The following DNAH14 variants were observed in gnomAD, a reference collection of about 807,000 sequenced individuals.
DNAH14 encodes dynein axonemal heavy chain 14.
In DNAH14, 478 loss-of-function variants were observed where a neutral mutation model predicts 520.9. The observed-to-expected ratio is 0.92, with a 90% CI of 0.85 to 0.99. DNAH14 has a LOEUF of 0.99. DNAH14 is among the 50% of genes least tolerant of loss of function. The pLI, the probability that DNAH14 is intolerant of heterozygous loss-of-function variation, is 0.00. For missense variants in DNAH14, 4,831 were observed against 5,234.5 expected (o/e 0.92, Z 2.38); for synonymous variants, 1,581 against 1,757.2 (o/e 0.90, Z 2.51).
intron 40 of DNAH14, among the ~76,000 whole-genome samples, chr1:225,206,685 C>CT (rs1272367614): frequency 2.6e-5 from 4 of 152,154 alleles, no homozygotes; most frequent in Non-Finnish European, 5.9e-5. Context: ...ATAGGGCTGA[C>CT]TTCTGGGTAA....
At chr1:224,947,955 T>G (rs1452752593) in intron 1 of DNAH14, among the ~76,000 whole-genome samples, 1 of 152,080 alleles carries the variant, frequency 6.6e-6, no homozygotes, top group African/African-American at 2.4e-5. Context: ...CAGTAGGTGG[T>G]TGATTTTCAA....
intron 46 of DNAH14, among the ~76,000 whole-genome samples, chr1:225,260,266 C>T (rs1393298417): frequency 6.6e-6 from 1 of 151,364 alleles, no homozygotes; most frequent in South Asian, 2.1e-4. Flanking sequence ...GCAGGAGAGT[C>T]GCTTGAACTC....
At chr1:225,357,696 T>C in intron 73 of DNAH14, 1 of 674,394 alleles carries the variant, frequency 1.5e-6, no homozygotes, top group Non-Finnish European at 2.7e-6. Flanking sequence ...GTTAAACATA[T>C]TGCCAATATT....
chr1:225,208,858 C>G (rs1385607554), intron 41 of DNAH14, among the ~76,000 whole-genome samples: 1 of 152,180 alleles, frequency 6.6e-6, no homozygotes, highest in Non-Finnish European at 1.5e-5. Flanking sequence ...ATTCCTTGCT[C>G]TGCTACATGC....
chr1:225,263,207 C>A lies in DNAH14; in HGVS notation c.7158-990C>A, dbSNP rs535765485. ...ACTATGCGAGATATATATATACACACACATATATATACATGTATATATACA... is the reference window on the plus strand; with the variant it reads ...ACTATGCGAGATATATATATACACAAACATATATATACATGTATATATACA... On this transcript the variant is annotated intron_variant, in intron 46 of 85. Transcript: ENST00000682510. Among the ~76,000 whole-genome samples the A allele has an allele frequency of 1.1e-4, 16 of 150,200 alleles. 1 individual carries two copies. In the East Asian group the frequency reaches 3.1e-3, roughly 29 times the overall value.
intron 8 of DNAH14, among the ~76,000 whole-genome samples, chr1:224,983,758 C>G (rs2062434344): frequency 6.6e-6 from 1 of 152,086 alleles, no homozygotes; most frequent in Admixed American, 6.6e-5. Context: ...CCAGCAGTGA[C>G]CAAGCAGAGA....
In DNAH14 at chr1:225,300,989, C is replaced by T. The variant is rs1373431335; in HGVS notation, c.8590C>T (p.His2864Tyr). 2 of 1,550,728 alleles carry T rather than the reference C, an allele frequency of 1.3e-6. No individual in the cohort carries two copies. The highest frequency in any genetic ancestry group is 1.7e-6 in the Non-Finnish European group (2 of 1,146,744). ...CAGATATCTTACTGAACAATCTGGT[C>T]ATATGGATAATAGGCAATCTTTACT... ...KIRYLTEQSG[H>Y]MDNRQSLLSF... Residue 2864 changes from histidine (H) to tyrosine (Y), a missense_variant, in exon 56 of 86, where the codon CAT becomes TAT. Physicochemically the swap from His to Tyr is moderately conservative, Grantham distance 83. Transcript: ENST00000682510.
intron 78 of DNAH14, among the ~76,000 whole-genome samples, chr1:225,375,814 C>T (rs979249905): frequency 4.0e-5 from 6 of 151,554 alleles, no homozygotes; most frequent in Non-Finnish European, 8.8e-5. Flanking sequence ...AGGCCGGGTG[C>T]GGTGGCTCAT....
intron 11 of DNAH14, among the ~76,000 whole-genome samples, chr1:225,031,112 A>G (rs575671934): frequency 1.7e-4 from 26 of 152,106 alleles, no homozygotes; most frequent in Middle Eastern, 3.4e-3. Flanking sequence ...TAAACTACCT[A>G]TTTCATATTT....
At chr1:225,052,215 T>C (rs367648886) in intron 17 of DNAH14, among the ~76,000 whole-genome samples, 43 of 152,340 alleles carry the variant, frequency 2.8e-4, no homozygotes, top group African/African-American at 9.9e-4. Context: ...TTTCACTGTA[T>C]ATTAGGGCTG....
chr1:224,933,044 ATTCT>A (rs2058795060), intron 1 of DNAH14, among the ~76,000 whole-genome samples: 1 of 150,570 alleles, frequency 6.6e-6, no homozygotes, highest in African/African-American at 2.4e-5. Context: ...AATGATATTA[ATTCT>A]TCCTATCCAT....
In DNAH14 at chr1:225,290,418, G is replaced by C. The variant is rs553754764; in HGVS notation, c.8469+336G>C. 9.6e-4 allele frequency among the ~76,000 whole-genome samples: 146 copies of C among 151,552 alleles called. 2 individuals carry two copies. Among genetic ancestry groups the C allele is most frequent in the African/African-American group, 1.2e-3 (50 of 41,414 alleles). ...TATATCAGAACTAGCTTTATAATCT[G>C]TATTTTAAAAACCCTTTCATCTATA... On this transcript the variant is annotated intron_variant, in intron 55 of 85. Transcript: ENST00000682510.
At chr1:224,981,806 C>T (rs2062290353) in intron 8 of DNAH14, among the ~76,000 whole-genome samples, 1 of 152,002 alleles carries the variant, frequency 6.6e-6, no homozygotes, top group South Asian at 2.1e-4. Flanking sequence ...CTGCTCTGAT[C>T]TTGGTTTTTC....
At chr1:225,162,860 G>A (rs2081650285) in intron 35 of DNAH14, among the ~76,000 whole-genome samples, 1 of 152,058 alleles carries the variant, frequency 6.6e-6, no homozygotes, top group South Asian at 2.1e-4. Flanking sequence ...TGATTGGCCA[G>A]GCGTGGTGGC....
At chr1:225,034,714 T>G (rs1043544757) in intron 11 of DNAH14, among the ~76,000 whole-genome samples, 1 of 152,156 alleles carries the variant, frequency 6.6e-6, no homozygotes, top group African/African-American at 2.4e-5. Flanking sequence ...CCTGAGCTTT[T>G]TTCTTGGTAG....
At chr1:225,020,983 G>A (rs781006789) in intron 10 of DNAH14, among the ~76,000 whole-genome samples, 7 of 151,648 alleles carry the variant, frequency 4.6e-5, no homozygotes, top group Non-Finnish European at 1.0e-4. Flanking sequence ...AAGTAGGAAG[G>A]TTGGTTTAAC....
chr1:225,299,736 G>T (rs1190591809), intron 55 of DNAH14, among the ~76,000 whole-genome samples: 2 of 152,098 alleles, frequency 1.3e-5, no homozygotes, highest in African/African-American at 2.4e-5. Context: ...CACTTTCCAG[G>T]CTTCTTCTGG....
In DNAH14 at chr1:225,252,525, C is replaced by A. The variant is rs141205641; in HGVS notation, c.6865+108C>A. Reference sequence around the variant, plus strand: ...TTTATAAAAGTAATTATATCTGCAACTTTGAGGACTAATATGTTTGTGTAG... The same window carrying A: ...TTTATAAAAGTAATTATATCTGCAAATTTGAGGACTAATATGTTTGTGTAG... On this transcript the variant is annotated intron_variant, in intron 44 of 85. Transcript: ENST00000682510. 227 of 616,914 alleles carry A rather than the reference C, an allele frequency of 3.7e-4. No homozygotes were observed. In the African/African-American group the frequency reaches 4.0e-3, roughly 11 times the overall value. The allele number at this position is 616,914 out of a possible 1,614,324, so 38.2% of individuals were successfully genotyped here.
chr1:225,212,429 G>A (rs1331052786), intron 41 of DNAH14, among the ~76,000 whole-genome samples: 3 of 152,080 alleles, frequency 2.0e-5, no homozygotes, highest in African/African-American at 7.2e-5. Context: ...CCAGTAATGG[G>A]ATGGCTGGGT....
Sources: gnomAD v4.1 joint callset for allele counts (sites outside exome capture counted in the v4.1 genomes callset) on GRCh38, gnomAD v4.1.1 for gene constraint, MANE v1.5 for transcripts, NCBI Gene and HGNC (gene_info 2026-07-23, HGNC 2026-07-21) for gene names.